ACAP2: variants seen among roughly 807,000 people sequenced by gnomAD.
ACAP2 encodes the protein arf-GAP with coiled-coil, ANK repeat and PH domain-containing protein 2.
In ACAP2, 39 loss-of-function variants were observed where a neutral mutation model predicts 115.8. That is an observed-to-expected ratio of 0.34 (90% CI 0.26 to 0.44). The LOEUF is 0.44. ACAP2 is among the 20% of genes least tolerant of loss of function. The pLI is 1.00. For missense variants in ACAP2, 662 were observed against 927.6 expected (o/e 0.71, Z 3.72); for synonymous variants, 289 against 315.8 (o/e 0.92, Z 0.90).
At chr3:195,306,435 A>G (rs1728425754) in intron 13 of ACAP2, 76 bp downstream of exon 13, 3 of 754,830 alleles carry the variant, frequency 4.0e-6, no homozygotes, top group East Asian at 2.9e-5. Context: ...GATGCTACAT[A>G]CAGTCATATA....
chr3:195,304,911 A>C (rs965398966), intron 13 of ACAP2, among the ~76,000 whole-genome samples: 3 of 152,226 alleles, frequency 2.0e-5, no homozygotes, highest in Non-Finnish European at 4.4e-5. Context: ...GAAGCCTCTA[A>C]CGCAATAGCT....
intron 4 of ACAP2, among the ~76,000 whole-genome samples, chr3:195,378,513 A>AC (rs1226878696): frequency 6.7e-6 from 1 of 149,492 alleles, no homozygotes; most frequent in East Asian, 2.1e-4. Flanking sequence ...AAAACAAACA[A>AC]ACAAAAAAAA....
Position 195,381,002 on chromosome 3 carries a change from CACTT to C in ACAP2, c.285+3_285+6del, listed in dbSNP as rs1560308246. ...GGTCATAGTAACACCTACTTACTGA[CACTT>C]ACTGTGTGAAAATTTATCATTTCTT... On this transcript the variant is annotated splice_donor_5th_base_variant and intron_variant, in intron 4 of 22. Coordinates refer to ENST00000326793, the MANE Select transcript of ACAP2 (RefSeq NM_012287.6). 3.8e-6 allele frequency: 6 copies of C among 1,595,092 alleles called. No individual in the cohort carries two copies. Among genetic ancestry groups the C allele is most frequent in the Non-Finnish European group, 5.1e-6 (6 of 1,174,674 alleles).
chr3:195,407,588 C>A (rs1712895177), intron 1 of ACAP2, among the ~76,000 whole-genome samples: 2 of 151,988 alleles, frequency 1.3e-5, no homozygotes, highest in Non-Finnish European at 2.9e-5. Flanking sequence ...ATGCCTATAG[C>A]CCCAGCTACC....
intron 4 of ACAP2, among the ~76,000 whole-genome samples, chr3:195,355,281 CT>C (rs11345721): frequency 0.6 from 76,183 of 126,650 alleles, 22,942 homozygotes; most frequent in Middle Eastern, 0.71. Flanking sequence ...TCTTTTTCTT[CT>C]TTTTTTTTTT....
chr3:195,420,559 G>A (rs1488787905), intron 1 of ACAP2, among the ~76,000 whole-genome samples: 1 of 151,882 alleles, frequency 6.6e-6, no homozygotes, highest in African/African-American at 2.4e-5. Context: ...CGTGTTAGAT[G>A]GTCTCGATCT....
chr3:195,321,180 G>C (rs1428384353), intron 9 of ACAP2, among the ~76,000 whole-genome samples: 1 of 150,834 alleles, frequency 6.6e-6, no homozygotes, highest in African/African-American at 2.4e-5. Context: ...ATACTACACA[G>C]GGTATGACGT....
intron 4 of ACAP2, among the ~76,000 whole-genome samples, chr3:195,374,165 C>T (rs1264293886): frequency 6.6e-6 from 1 of 152,168 alleles, no homozygotes; most frequent in Non-Finnish European, 1.5e-5. Flanking sequence ...ATGGGTGGAT[C>T]ACTTGAGGTC....
chr3:195,362,242 G>A (rs187144194), intron 4 of ACAP2, among the ~76,000 whole-genome samples: 4 of 151,634 alleles, frequency 2.6e-5, no homozygotes, highest in Non-Finnish European at 4.4e-5. Flanking sequence ...ATTGAACCTC[G>A]GAGACAGAGG....
chr3:195,306,717 A>G, intron 12 of ACAP2, 101 bp from the exon 13 acceptor site: 1 of 799,742 alleles, frequency 1.3e-6, no homozygotes, highest in Non-Finnish European at 2.0e-6. Context: ...ATAATTTTCT[A>G]GCCAAAAATA....
intron 2 of ACAP2, among the ~76,000 whole-genome samples, chr3:195,389,094 T>C (rs930947968): frequency 1.3e-5 from 2 of 151,798 alleles, no homozygotes; most frequent in Admixed American, 6.6e-5. Flanking sequence ...AAAGTAACTA[T>C]GGAACTTTAG....
chr3:195,389,393 T>A (rs1278478904), intron 2 of ACAP2, among the ~76,000 whole-genome samples: 1 of 152,264 alleles, frequency 6.6e-6, no homozygotes, highest in Non-Finnish European at 1.5e-5. Context: ...GTCTGAGGTG[T>A]CCCACCACAG....
intron 8 of ACAP2, among the ~76,000 whole-genome samples, chr3:195,328,551 C>T (rs888434168): frequency 2.6e-5 from 4 of 152,070 alleles, no homozygotes; most frequent in African/African-American, 7.2e-5. Context: ...TGGGTAATAC[C>T]GTACATGGTG....
chr3:195,326,863 T>C lies in ACAP2; in HGVS notation c.744+22A>G, dbSNP rs934022476. 6.8e-6 allele frequency: 11 copies of C among 1,611,626 alleles called. No individual in the cohort carries two copies. The South Asian group carries it at 1.2e-4, about 18-fold the overall frequency. The stretch of plus-strand genomic sequence containing the variant: ...GCCATTGTATAAAGTGGAATTAATT[T>C]TTAATTTTTCCCCTGAGGTACCTTT... On this transcript the variant is annotated intron_variant, in intron 9 of 22. Coordinates refer to ENST00000326793, the MANE Select transcript of ACAP2 (RefSeq NM_012287.6).
At chr3:195,351,261 G>A (rs1199175401) in intron 4 of ACAP2, among the ~76,000 whole-genome samples, 6 of 151,690 alleles carry the variant, frequency 4.0e-5, no homozygotes, top group Non-Finnish European at 7.4e-5. Flanking sequence ...GGGATTACAG[G>A]GGCATGCCAC....
intron 4 of ACAP2, among the ~76,000 whole-genome samples, chr3:195,367,332 T>C (rs758628559): frequency 6.6e-6 from 1 of 152,198 alleles, no homozygotes; most frequent in African/African-American, 2.4e-5. Context: ...ACTTTACTAG[T>C]GGTTCTCAAA....
At chr3:195,395,955 A>T (rs1487168250) in intron 1 of ACAP2, among the ~76,000 whole-genome samples, 1 of 152,212 alleles carries the variant, frequency 6.6e-6, no homozygotes, top group East Asian at 1.9e-4. Flanking sequence ...CTAAAAACAT[A>T]AAACTAGAAG....
At position 195,306,608 on chromosome 3, in the gene ACAP2, A is replaced by G. The variant is rs1728436889; in HGVS notation, c.1019T>C (p.Met340Thr). 2 of 1,611,256 alleles carry G rather than the reference A, an allele frequency of 1.2e-6. No homozygotes were observed. The highest frequency in any genetic ancestry group is 1.3e-5 in the African/African-American group (1 of 74,772). Residue 340 changes from methionine (M) to threonine (T), a missense_variant, in exon 13 of 23, where the codon ATG becomes ACG. Physicochemically the swap from Met to Thr is moderately conservative, Grantham distance 81. Transcript: ENST00000326793. ...CAGCTTTTCGGAATCTGCCTGGAGC[A>G]TGCAACTTCTAAAAGGAAATAACAT... ...FEVVSPTKSCMLQADSEKLRQ... is the reference protein window; with the variant it reads ...FEVVSPTKSCTLQADSEKLRQ...
At chr3:195,326,815 A>G (rs1577305123) in intron 9 of ACAP2, 70 bp downstream of exon 9, 1 of 1,311,612 alleles carries the variant, frequency 7.6e-7, no homozygotes, top group African/African-American at 1.4e-5. Flanking sequence ...ATACAATGAT[A>G]CCTTGCATAA....
Sources: allele counts gnomAD v4.1 joint callset (sites outside exome capture counted in the v4.1 genomes callset), GRCh38; gene constraint gnomAD v4.1.1; transcripts MANE v1.5; gene names NCBI Gene and HGNC (gene_info 2026-07-23, HGNC 2026-07-21).